The following AHCYL2 variants were observed in gnomAD, a reference collection of about 807,000 sequenced individuals.
AHCYL2 encodes S-adenosylhomocysteine hydrolase-like protein 2.
AHCYL2 carries 28 observed loss-of-function variants against 81.4 expected under a neutral mutation model. That is an observed-to-expected ratio of 0.34 (90% confidence interval 0.25 to 0.47). AHCYL2 has a LOEUF of 0.47. Among genes scored for constraint, AHCYL2 ranks in the 20% least tolerant of loss-of-function variants. The pLI is 1.00. For missense variants in AHCYL2, 551 were observed against 785.1 expected, an observed-to-expected ratio of 0.70 and a Z score of 3.56; for synonymous variants, 272 against 290.2, an observed-to-expected ratio of 0.94 and a Z score of 0.64.
At chr7:129,330,969 T>C (rs1487833477) in intron 1 of AHCYL2, among the ~76,000 whole-genome samples, 2 of 152,220 alleles carry the variant, frequency 1.3e-5, no homozygotes, top group African/African-American at 2.4e-5. Flanking sequence ...GAAAAGGTAC[T>C]GTAAGAAGCC....
At chr7:129,235,428 TC>T (rs1421244575) in intron 1 of AHCYL2, among the ~76,000 whole-genome samples, 2 of 152,006 alleles carry the variant, frequency 1.3e-5, no homozygotes, top group East Asian at 3.9e-4. Flanking sequence ...TTCTTCTTCT[TC>T]TTCTTTCTCT....
intron 1 of AHCYL2, among the ~76,000 whole-genome samples, chr7:129,358,893 T>G (rs754196856): frequency 6.6e-6 from 1 of 152,198 alleles, no homozygotes; most frequent in African/African-American, 2.4e-5. Context: ...ACTGGAATAC[T>G]GAGATCTTGC....
chr7:129,339,346 A>T (rs560684204), intron 1 of AHCYL2, among the ~76,000 whole-genome samples: 78 of 152,294 alleles, frequency 5.1e-4, no homozygotes, highest in African/African-American at 1.6e-3. Flanking sequence ...TGACCAAATT[A>T]TTTCACTTTT....
chr7:129,225,290 G>A lies in AHCYL2; in HGVS notation c.214G>A (p.Ala72Thr). The A allele has an allele frequency of 6.8e-7, 1 of 1,467,790 alleles. No individual in the cohort carries two copies. The highest frequency in any genetic ancestry group is 1.3e-5 in the South Asian group (1 of 76,122). 90.9% of individuals were successfully genotyped at this position (1,467,790 alleles called of 1,614,324 possible). A position where few individuals can be genotyped will look rare whatever the true frequency, so the allele number is the denominator to read the frequency against. ...CGGCCCGGGCTCGGGGCCCGCCGCC[G>A]CTCTCAGCCCCGCCGCCGGGAAGGT... is the stretch of plus-strand genomic sequence containing the variant. ...VPGPGSGPAA[A>T]LSPAAGKVPQ... Residue 72 changes from alanine (A) to threonine (T), a missense_variant, in exon 1 of 17, where the codon GCT becomes ACT. Physicochemically the swap from Ala to Thr is moderately conservative, Grantham distance 58 (BLOSUM62 0). Around this residue, in one of 2 missense-constraint regions of AHCYL2, gnomAD observed 235 missense variants for 242.1 expected, o/e 0.97. Transcript: ENST00000325006.
At chr7:129,420,079 C>CT (rs1456757436) in intron 12 of AHCYL2, among the ~76,000 whole-genome samples, 1 of 152,158 alleles carries the variant, frequency 6.6e-6, no homozygotes, top group Non-Finnish European at 1.5e-5. Flanking sequence ...CTTCAAACCC[C>CT]TTTTTAAACT....
intron 1 of AHCYL2, among the ~76,000 whole-genome samples, chr7:129,353,876 G>C (rs1793650995): frequency 6.6e-6 from 1 of 151,678 alleles, no homozygotes; most frequent in South Asian, 2.1e-4. Context: ...AACTGAGAAT[G>C]AAGATATTTT....
Position 129,406,516 on chromosome 7 carries a change from AG to A in AHCYL2, c.1295+51del, listed in dbSNP as rs1343275367. The A allele has an allele frequency of 6.4e-7, 1 of 1,565,012 alleles. No homozygotes were observed. The highest frequency in any genetic ancestry group is 8.8e-7 in the Non-Finnish European group (1 of 1,135,442). On this transcript the variant is annotated intron_variant, in intron 10 of 16. Coordinates refer to ENST00000325006, the MANE Select transcript of AHCYL2 (RefSeq NM_015328.4). This position sits in a 1 kb window ranked among gnomAD's most constrained non-coding sequence, Gnocchi z 4.3. ...CTTGCAATCTCGGAGCTGTCTCCAAAGAATGGCCTGGTTGATGCCACACTTT... is the reference window on the plus strand; with the variant it reads ...CTTGCAATCTCGGAGCTGTCTCCAAAAATGGCCTGGTTGATGCCACACTTT...
chr7:129,362,791 A>G (rs570338251), intron 1 of AHCYL2, among the ~76,000 whole-genome samples: 1 of 151,992 alleles, frequency 6.6e-6, no homozygotes, highest in East Asian at 1.9e-4. Context: ...AAAGCCAGGA[A>G]AAGAAGACAG....
intron 1 of AHCYL2, among the ~76,000 whole-genome samples, chr7:129,299,340 C>T (rs1266882584): frequency 7.9e-6 from 1 of 126,662 alleles, no homozygotes; most frequent in Non-Finnish European, 1.6e-5. Context: ...TTCAACTATT[C>T]AGGAGGCTGA....
chr7:129,362,575 A>AG (rs1793966134), intron 1 of AHCYL2, among the ~76,000 whole-genome samples: 2 of 150,492 alleles, frequency 1.3e-5, no homozygotes, highest in South Asian at 4.2e-4. Flanking sequence ...TAGGTGACTA[A>AG]GGAATAGTTA....
chr7:129,270,415 C>CT (rs958881128), intron 1 of AHCYL2, among the ~76,000 whole-genome samples: 2 of 152,290 alleles, frequency 1.3e-5, no homozygotes, highest in Non-Finnish European at 1.5e-5. Flanking sequence ...ACATTTTTCA[C>CT]TTTTTTCTTT....
At chr7:129,227,015 C>T (rs1794247320) in intron 1 of AHCYL2, among the ~76,000 whole-genome samples, 3 of 152,134 alleles carry the variant, frequency 2.0e-5, no homozygotes, top group Admixed American at 2.0e-4. Flanking sequence ...TAACAAATTG[C>T]TTTTAGAGCA....
intron 1 of AHCYL2, among the ~76,000 whole-genome samples, chr7:129,343,105 A>G (rs1793243056): frequency 6.6e-6 from 1 of 152,196 alleles, no homozygotes; most frequent in Non-Finnish European, 1.5e-5. Context: ...AAAGTTGCTT[A>G]AAATAGCAAA....
chr7:129,413,383 C>T (rs1796689245), intron 11 of AHCYL2, among the ~76,000 whole-genome samples: 2 of 151,394 alleles, frequency 1.3e-5, no homozygotes, highest in African/African-American at 2.4e-5. Context: ...CCTTGTGATC[C>T]GCCCGTCTCA....
At chr7:129,266,295 A>G (rs1795809256) in intron 1 of AHCYL2, among the ~76,000 whole-genome samples, 1 of 152,232 alleles carries the variant, frequency 6.6e-6, no homozygotes. Context: ...CTTAAGCAAA[A>G]AAGGTAGTGG....
rs978870779 is a variant in AHCYL2 at position 129,419,875 on chromosome 7, C to T, written c.1462-2965C>T. ...TAGTCTGCACAGGAATCCCTTTTCC[C>T]GGTAGGTTGTTTAGTGATTATAGGT... On this transcript the variant is annotated intron_variant, in intron 12 of 16. Transcript: ENST00000325006. This position sits in a 1 kb window ranked among gnomAD's most constrained non-coding sequence, Gnocchi z 4.7. Among the ~76,000 whole-genome samples, 2 of 152,114 alleles carry T rather than the reference C, an allele frequency of 1.3e-5. No homozygotes were observed. Among genetic ancestry groups the T allele is most frequent in the Non-Finnish European group, 1.5e-5 (1 of 68,026 alleles).
At chr7:129,417,751 G>A (rs1320765610) in intron 12 of AHCYL2, among the ~76,000 whole-genome samples, 1 of 152,146 alleles carries the variant, frequency 6.6e-6, no homozygotes, top group African/African-American at 2.4e-5. Context: ...AATTGAAACC[G>A]AATTTTTATT....
At chr7:129,318,452 C>T (rs1227674305) in intron 1 of AHCYL2, among the ~76,000 whole-genome samples, 1 of 152,052 alleles carries the variant, frequency 6.6e-6, no homozygotes, top group Admixed American at 6.6e-5. Context: ...AATTATATTC[C>T]TTAAAATAGA....
intron 13 of AHCYL2, among the ~76,000 whole-genome samples, 186 bp downstream of exon 13, chr7:129,423,124 G>A (rs1797192565): frequency 6.6e-6 from 1 of 152,038 alleles, no homozygotes; most frequent in African/African-American, 2.4e-5. Flanking sequence ...AACTATTTTG[G>A]TTCCCCACTT....
Sources: allele counts gnomAD v4.1 joint callset (sites outside exome capture counted in the v4.1 genomes callset), GRCh38; gene constraint gnomAD v4.1.1; regional missense constraint gnomAD v4.1.1; non-coding constraint Gnocchi (gnomAD v3.1); transcripts MANE v1.5; gene names NCBI Gene and HGNC (gene_info 2026-07-23, HGNC 2026-07-21).